The following RDH10 variants were observed in gnomAD, a reference collection of about 807,000 sequenced individuals.
RDH10 encodes retinol dehydrogenase 10 (all-trans).
In RDH10, 12 loss-of-function variants were observed where a neutral mutation model predicts 30.2. The ratio of observed to expected loss-of-function variants is 0.40; its 90% CI spans 0.25 to 0.64. The LOEUF is 0.64. Among genes scored for constraint, RDH10 ranks in the 30% least tolerant of loss-of-function variants. The pLI, the probability that RDH10 is intolerant of heterozygous loss-of-function variation, is 0.43. For missense variants in RDH10, 268 were observed against 445.2 expected, an observed-to-expected ratio of 0.60 and a Z score of 3.58; for synonymous variants, 189 against 172.2, an observed-to-expected ratio of 1.10 and a Z score of -0.76.
At chr8:73,299,545 A>G (rs1443098267) in intron 2 of RDH10, among the ~76,000 whole-genome samples, 2 of 152,238 alleles carry the variant, frequency 1.3e-5, no homozygotes, top group East Asian at 1.9e-4. Context: ...AGCCCTAAAC[A>G]GTTACAGCAC....
At chr8:73,317,154 A>G (rs1327612291) in intron 2 of RDH10, among the ~76,000 whole-genome samples, 2 of 152,214 alleles carry the variant, frequency 1.3e-5, no homozygotes, top group South Asian at 2.1e-4. Context: ...TCAAAGCACT[A>G]TAAAACACAT....
chr8:73,309,118 G>A (rs752861190), intron 2 of RDH10, among the ~76,000 whole-genome samples: 1 of 151,968 alleles, frequency 6.6e-6, no homozygotes, highest in Non-Finnish European at 1.5e-5. Context: ...AGCCCTTTAG[G>A]AATCTTGTAC....
chr8:73,298,682 C>G (rs1404870617), intron 2 of RDH10, among the ~76,000 whole-genome samples: 1 of 152,116 alleles, frequency 6.6e-6, no homozygotes. Context: ...CACATGCTGC[C>G]ACACCTGGCT....
chr8:73,309,802 A>C (rs542987580), intron 2 of RDH10, among the ~76,000 whole-genome samples: 47 of 152,260 alleles, frequency 3.1e-4, no homozygotes, highest in African/African-American at 1.1e-3. Flanking sequence ...CATTGGTAAC[A>C]TCTGGAGACA....
chr8:73,312,123 G>A (rs542553585), intron 2 of RDH10: 1 of 152,242 alleles, frequency 6.6e-6, no homozygotes, highest in African/African-American at 2.4e-5. Flanking sequence ...CAGGTGAGCT[G>A]ATAGTATGTC....
rs1000701577 is a variant in RDH10 at position 73,320,456 on chromosome 8, T to C, written c.625-476T>C. ...CTGGTTTGTGTTTTTTTTTTGTTTT[T>C]GTTTTTGTTTTTGTTTTTGTTTTTT... is the stretch of plus-strand genomic sequence containing the variant. On this transcript the variant is annotated intron_variant, in intron 3 of 5. Transcript: ENST00000240285. Among the ~76,000 whole-genome samples the C allele has an allele frequency of 4.7e-5, 6 of 128,140 alleles. No individual in the cohort carries two copies. The South Asian group carries it at 1.5e-3, about 31-fold the overall frequency. 84.1% of individuals were successfully genotyped at this position (128,140 alleles called of 152,430 possible).
chr8:73,298,189 A>G (rs1315047844), intron 2 of RDH10, among the ~76,000 whole-genome samples: 2 of 152,202 alleles, frequency 1.3e-5, no homozygotes, highest in Admixed American at 6.5e-5. Context: ...TCTGTCCCCT[A>G]TAACTGCACA....
intron 2 of RDH10, chr8:73,311,642 A>G (rs932940287): frequency 6.6e-6 from 1 of 152,208 alleles, no homozygotes; most frequent in African/African-American, 2.4e-5. Context: ...ACATGTTTTT[A>G]AAGGGATAGA....
intron 2 of RDH10, among the ~76,000 whole-genome samples, chr8:73,307,817 T>G (rs959576671): frequency 4.6e-5 from 7 of 152,226 alleles, no homozygotes; most frequent in Admixed American, 4.6e-4. Context: ...CTTCAAATGT[T>G]GATTTTTTAT....
At position 73,319,213 on chromosome 8, in the gene RDH10, A is replaced by C. The variant is rs759445439; in HGVS notation, c.624+19A>C. On this transcript the variant is annotated intron_variant, in intron 3 of 5. Transcript: ENST00000240285. The stretch of plus-strand genomic sequence containing the variant: ...AGTTGAGGTTTGTCAGATATATAGC[A>C]TTTCTTTCGTTCAATCTGTTTATCC... The C allele has an allele frequency of 1.8e-5, 28 of 1,537,960 alleles. No individual in the cohort carries two copies. Among genetic ancestry groups the C allele is most frequent in the Non-Finnish European group, 2.4e-5 (27 of 1,112,500 alleles).
intron 2 of RDH10, among the ~76,000 whole-genome samples, chr8:73,317,922 AC>A (rs891621679): frequency 2.5e-4 from 17 of 69,014 alleles, no homozygotes; most frequent in African/African-American, 9.3e-4. Context: ...CCTGTCCCCC[AC>A]CCCCGCCCAA....
In RDH10 at chr8:73,319,051, A is replaced by C. The variant is rs745963370; in HGVS notation, c.526-45A>C. The C allele has an allele frequency of 3.0e-6, 4 of 1,323,012 alleles. No individual in the cohort carries two copies. In the East Asian group the frequency reaches 7.0e-5, roughly 23 times the overall value. 82.0% of individuals were successfully genotyped at this position (1,323,012 alleles called of 1,614,324 possible). ...TGATCCTGGACTGGGTTTTAGATGA[A>C]ATTCATGAAATCAGTTCTAAAACTT... is the stretch of plus-strand genomic sequence containing the variant. On this transcript the variant is annotated intron_variant, in intron 2 of 5. Transcript: ENST00000240285.
chr8:73,295,376 C>T lies in RDH10; in HGVS notation c.87C>T (p.Pro29=). The part of the protein sequence containing the change: ...VLAAARWLVR[P]KEKSVAGQVC... Reference sequence around the variant, plus strand: ...CCGCGGCGCGCTGGCTGGTGCGGCCCAAGGAGAAGAGCGTGGCGGGCCAGG... The same window carrying T: ...CCGCGGCGCGCTGGCTGGTGCGGCCTAAGGAGAAGAGCGTGGCGGGCCAGG... The change falls in exon 1 of 6, where the codon CCC becomes CCT. Residue 29 remains proline, a synonymous_variant. Coordinates refer to ENST00000240285, the MANE Select transcript of RDH10 (RefSeq NM_172037.5). 1 of 1,558,376 alleles carries T rather than the reference C, an allele frequency of 6.4e-7. No homozygotes were observed. The highest frequency in any genetic ancestry group is 8.7e-7 in the Non-Finnish European group (1 of 1,152,924).
chr8:73,322,727 G>A lies in RDH10; in HGVS notation c.819G>A (p.Val273=), dbSNP rs1408011630. 5 of 1,613,768 alleles carry A rather than the reference G, an allele frequency of 3.1e-6. No homozygotes were observed. The highest frequency in any genetic ancestry group is 4.2e-6 in the Non-Finnish European group (5 of 1,179,662). ...CACCTCTGAAGCCTGATTACTGTGT[G>A]AAGCAGGCCATGAAGGCCATCCTCA... is the stretch of plus-strand genomic sequence containing the variant. The part of the protein sequence containing the change: ...FLPPLKPDYC[V]KQAMKAILTD... The change falls in exon 5 of 6, where the codon GTG becomes GTA. Residue 273 remains valine, a synonymous_variant. Coordinates refer to ENST00000240285, the MANE Select transcript of RDH10 (RefSeq NM_172037.5).
At chr8:73,315,507 C>G (rs760032622) in intron 2 of RDH10, 8 of 436,880 alleles carry the variant, frequency 1.8e-5, no homozygotes, top group African/African-American at 1.4e-4. Context: ...AGTTTCAGAA[C>G]GTTGCAACAA....
intron 2 of RDH10, among the ~76,000 whole-genome samples, chr8:73,317,245 A>G (rs1814686699): frequency 6.6e-6 from 1 of 152,226 alleles, no homozygotes; most frequent in African/African-American, 2.4e-5. Flanking sequence ...ATAATATTAG[A>G]TAAAGGTTTA....
chr8:73,317,261 C>T (rs577834888), intron 2 of RDH10, among the ~76,000 whole-genome samples: 1 of 152,292 alleles, frequency 6.6e-6, no homozygotes, highest in African/African-American at 2.4e-5. Context: ...GTTTAACACC[C>T]TAACTACCTT....
rs976492078 is a variant in RDH10, at chr8:73,294,643, T to C, written c.-647T>C. ...GCTCTGACTTGCAAGCGGGCTGCGC[T>C]GCGGAGCCCAGTGCCCGAGTGACAC... On this transcript the variant is annotated 5_prime_UTR_variant, in exon 1 of 6. Coordinates refer to ENST00000240285, the MANE Select transcript of RDH10 (RefSeq NM_172037.5). 1.2e-5 allele frequency: 4 copies of C among 336,834 alleles called. No individual in the cohort carries two copies. The highest frequency in any genetic ancestry group is 8.6e-5 in the African/African-American group (4 of 46,450). The allele number at this position is 336,834 out of a possible 1,614,324, so 20.9% of individuals were successfully genotyped here. A position where few individuals can be genotyped will look rare whatever the true frequency, so the allele number is the denominator to read the frequency against.
chr8:73,307,111 A>T (rs1814477607), intron 2 of RDH10, among the ~76,000 whole-genome samples: 1 of 152,002 alleles, frequency 6.6e-6, no homozygotes, highest in Admixed American at 6.6e-5. Context: ...TGTTTGCTGG[A>T]CTCTTTAAGT....
Sources: allele counts gnomAD v4.1 joint callset (sites outside exome capture counted in the v4.1 genomes callset), GRCh38; gene constraint gnomAD v4.1.1; transcripts MANE v1.5; gene names NCBI Gene and HGNC (gene_info 2026-07-23, HGNC 2026-07-21).